DPP6: variants seen among roughly 807,000 people sequenced by gnomAD.
DPP6 encodes dipeptidyl peptidase like 6.
Under a neutral mutation model 122.6 loss-of-function variants are expected in DPP6, and 69 were observed. That is an observed-to-expected ratio of 0.56 (90% CI 0.46 to 0.69). The LOEUF (loss-of-function observed/expected upper bound fraction) is 0.69, where lower values mean the gene tolerates loss of function less well. Among genes scored for constraint, DPP6 ranks in the 30% least tolerant of loss-of-function variants. The pLI is 0.00. For missense variants in DPP6, 928 were observed against 1,116.9 expected, an observed-to-expected ratio of 0.83 and a Z score of 2.41; for synonymous variants, 418 against 433.1, an observed-to-expected ratio of 0.97 and a Z score of 0.43.
chr7:154,791,463 A>C (rs1225485391), intron 10 of DPP6, among the ~76,000 whole-genome samples: 1 of 152,070 alleles, frequency 6.6e-6, no homozygotes, highest in Non-Finnish European at 1.5e-5. Flanking sequence ...AAACCATCAG[A>C]TCTCGTGAGA....
Position 154,760,026 on chromosome 7 carries a change from G to A in DPP6, c.884-9391G>A, listed in dbSNP as rs1795432767. On this transcript the variant is annotated intron_variant, in intron 8 of 25. Transcript: ENST00000377770. The surrounding 1 kb of genome is among the most constrained non-coding windows in gnomAD (Gnocchi z 4.5). ...TAGTCCCAGCTACTCGGGAGGCCGA[G>A]GCAGAAGAATCACTTGAACCCAGCA... is the stretch of plus-strand genomic sequence containing the variant. Among the ~76,000 whole-genome samples, 1 of 152,180 alleles carries A rather than the reference G, an allele frequency of 6.6e-6. No homozygotes were observed. Among genetic ancestry groups the A allele is most frequent in the African/African-American group, 2.4e-5 (1 of 41,436 alleles).
chr7:154,820,985 C>T (rs1799723846), intron 16 of DPP6, among the ~76,000 whole-genome samples: 1 of 152,148 alleles, frequency 6.6e-6, no homozygotes, highest in Non-Finnish European at 1.5e-5. Flanking sequence ...TATAGACTGG[C>T]CCCATGAAAC....
chr7:154,445,350 T>C (rs1472039099), intron 1 of DPP6, among the ~76,000 whole-genome samples: 1 of 152,212 alleles, frequency 6.6e-6, no homozygotes, highest in Non-Finnish European at 1.5e-5. Flanking sequence ...TATTACTTAT[T>C]ATCAAGCATT....
chr7:154,682,454 T>C (rs1341746580), intron 7 of DPP6, among the ~76,000 whole-genome samples: 1 of 152,234 alleles, frequency 6.6e-6, no homozygotes, highest in African/African-American at 2.4e-5. Flanking sequence ...CTCGTGGGCT[T>C]GTGCCCCTCA....
At chr7:154,521,841 C>T (rs568337335) in intron 3 of DPP6, among the ~76,000 whole-genome samples, 21 of 152,346 alleles carry the variant, frequency 1.4e-4, no homozygotes, top group Non-Finnish European at 2.5e-4. Context: ...AGACAATTCT[C>T]CACCTTTGTT....
At chr7:153,812,779 T>G in the DPP6 span, among the ~76,000 whole-genome samples, 1 of 152,148 alleles carries the variant, frequency 6.6e-6, no homozygotes, top group Admixed American at 6.5e-5. Flanking sequence ...ATTCCAGAAA[T>G]GCCTTGGTTT....
chr7:154,128,923 T>A (rs1694020747), intron 1 of DPP6, among the ~76,000 whole-genome samples: 1 of 151,398 alleles, frequency 6.6e-6, no homozygotes, highest in Non-Finnish European at 1.5e-5. Context: ...AGCGTTAGCT[T>A]AGCAACCAGA....
intron 1 of DPP6, among the ~76,000 whole-genome samples, chr7:154,193,468 A>G (rs1200930678): frequency 6.6e-6 from 1 of 152,182 alleles, no homozygotes; most frequent in Non-Finnish European, 1.5e-5. Context: ...GGAATGATGG[A>G]TTACATTTTA....
Position 154,821,547 on chromosome 7 carries a change from A to G in DPP6, c.1666+14435A>G, listed in dbSNP as rs1799759500. On this transcript the variant is annotated intron_variant, in intron 16 of 25. Coordinates refer to ENST00000377770, the MANE Select transcript of DPP6 (RefSeq NM_130797.4). The surrounding 1 kb of genome is among the most constrained non-coding windows in gnomAD (Gnocchi z 4.2). The stretch of plus-strand genomic sequence containing the variant: ...CTCGTAATGACACTACTCCTCTATC[A>G]GAGCTTTCAAACACTTTTAGAGGCA... Among the ~76,000 whole-genome samples the G allele has an allele frequency of 6.6e-6, 1 of 151,124 alleles. No individual in the cohort carries two copies. Among genetic ancestry groups the G allele is most frequent in the South Asian group, 2.1e-4 (1 of 4,812 alleles).
intron 1 of DPP6, among the ~76,000 whole-genome samples, chr7:153,987,901 C>T (rs767412204): frequency 1.4e-4 from 21 of 152,116 alleles, no homozygotes; most frequent in Non-Finnish European, 2.6e-4. Flanking sequence ...AGCATAAATA[C>T]GTGGGGTGCT....
intron 1 of DPP6, among the ~76,000 whole-genome samples, chr7:153,903,457 G>A (rs1161699985): frequency 6.6e-6 from 1 of 152,182 alleles, no homozygotes; most frequent in Non-Finnish European, 1.5e-5. Flanking sequence ...TTCAAATGAG[G>A]CTCAAAGAAG....
At position 154,305,701 on chromosome 7, in the gene DPP6, C is replaced by T. The variant is rs1057173398; in HGVS notation, c.244-140513C>T. On this transcript the variant is annotated intron_variant, in intron 1 of 25. Coordinates refer to ENST00000377770, the MANE Select transcript of DPP6 (RefSeq NM_130797.4). ...TTGTATTGGTTTATGACTGTAGCCC[C>T]CTGAGCCACCAAGCTGGGAGGAGAC... The T allele has an allele frequency of 5.9e-6, 7 of 1,185,450 alleles. No individual in the cohort carries two copies. In the African/African-American group the frequency reaches 1.1e-4, roughly 18 times the overall value. The allele number at this position is 1,185,450 out of a possible 1,614,324, so 73.4% of individuals were successfully genotyped here. A position where few individuals can be genotyped will look rare whatever the true frequency, so the allele number is the denominator to read the frequency against.
intron 1 of DPP6, chr7:154,056,056 A>G (rs190953961): frequency 6.6e-6 from 1 of 152,372 alleles, no homozygotes; most frequent in Non-Finnish European, 1.5e-5. Flanking sequence ...CAAGGCTAAC[A>G]CAGAGAAATA....
intron 2 of DPP6, among the ~76,000 whole-genome samples, chr7:154,464,406 C>T (rs1475603203): frequency 6.6e-6 from 1 of 152,210 alleles, no homozygotes; most frequent in East Asian, 1.9e-4. Context: ...AAACCAGATA[C>T]TGTGATCATT....
At chr7:153,783,209 C>T in the DPP6 span, among the ~76,000 whole-genome samples, 1,132 of 152,156 alleles carry the variant, frequency 7.4e-3, 16 homozygotes, top group African/African-American at 0.025. Flanking sequence ...AAGAAATACC[C>T]GAAACTGAGC....
chr7:153,861,183 G>A, the DPP6 span, among the ~76,000 whole-genome samples: 5 of 152,026 alleles, frequency 3.3e-5, no homozygotes, highest in South Asian at 6.2e-4. Flanking sequence ...ATAAATTTAA[G>A]GCAACGGGTT....
At chr7:154,738,925 A>G (rs1842693439) in intron 8 of DPP6, among the ~76,000 whole-genome samples, 1 of 152,144 alleles carries the variant, frequency 6.6e-6, no homozygotes, top group Admixed American at 6.5e-5. Context: ...TCTAATTTAA[A>G]ACAGCAAAGT....
chr7:154,560,986 A>G (rs748947250), intron 4 of DPP6, among the ~76,000 whole-genome samples: 3 of 152,340 alleles, frequency 2.0e-5, no homozygotes, highest in Non-Finnish European at 2.9e-5. Context: ...AAAATAGACA[A>G]CAAGGAATAT....
intron 1 of DPP6, among the ~76,000 whole-genome samples, chr7:154,385,618 G>T (rs1170110923): frequency 6.6e-6 from 1 of 152,160 alleles, no homozygotes; most frequent in Non-Finnish European, 1.5e-5. Flanking sequence ...AGGTTCAGCT[G>T]CAACCCTGGC....
Sources: gnomAD v4.1 joint callset for allele counts (sites outside exome capture counted in the v4.1 genomes callset) on GRCh38, gnomAD v4.1.1 for gene constraint, Gnocchi (gnomAD v3.1) non-coding constraint, MANE v1.5 for transcripts, NCBI Gene and HGNC (gene_info 2026-07-23, HGNC 2026-07-21) for gene names.